The following PLPPR1 variants were observed in gnomAD, a reference collection of about 807,000 sequenced individuals.
The protein encoded by PLPPR1 is phospholipid phosphatase related 1.
A neutral mutation model predicts 33.1 loss-of-function variants in PLPPR1; 10 were observed. The ratio of observed to expected loss-of-function variants is 0.30; its 90% CI spans 0.19 to 0.51. The LOEUF (loss-of-function observed/expected upper bound fraction) is 0.51, where lower values mean the gene tolerates loss of function less well. Ranked by LOEUF, PLPPR1 falls within the 20% of genes least tolerant of loss-of-function variation. The probability of loss-of-function intolerance (pLI) is 0.97; values close to 1 mark genes in which losing one functional copy is unlikely to be tolerated. For synonymous variants in PLPPR1, 151 were observed against 151.0 expected, an observed-to-expected ratio of 1.00 and a Z score of 0.00; for missense variants, 304 against 408.1, an observed-to-expected ratio of 0.74 and a Z score of 2.20.
chr9:101,242,535 A>G (rs1424515243), intron 2 of PLPPR1, among the ~76,000 whole-genome samples: 1 of 152,042 alleles, frequency 6.6e-6, no homozygotes, highest in African/African-American at 2.4e-5. Flanking sequence ...CTTCTTTGAC[A>G]TGATGTTGGT....
At chr9:101,207,113 T>C (rs1826602727) in intron 2 of PLPPR1, among the ~76,000 whole-genome samples, 1 of 152,234 alleles carries the variant, frequency 6.6e-6, no homozygotes, top group Admixed American at 6.5e-5. Context: ...ATTTGCCTAC[T>C]TTTTTATTGT....
At chr9:101,294,286 G>A (rs1442764893) in intron 4 of PLPPR1, among the ~76,000 whole-genome samples, 35 of 151,842 alleles carry the variant, frequency 2.3e-4, no homozygotes, top group Non-Finnish European at 1.9e-4. Flanking sequence ...CCAATAACAG[G>A]CTCTGAAATT....
chr9:101,224,657 T>C (rs1292145256), intron 2 of PLPPR1, among the ~76,000 whole-genome samples: 1 of 152,166 alleles, frequency 6.6e-6, no homozygotes. Context: ...ACAATGTTGA[T>C]AAGGAAAAAA....
At chr9:101,040,601 A>C (rs1830065486) in intron 1 of PLPPR1, among the ~76,000 whole-genome samples, 1 of 152,066 alleles carries the variant, frequency 6.6e-6, no homozygotes, top group Non-Finnish European at 1.5e-5. Flanking sequence ...TTCTGCAAAA[A>C]CTTGAATGTC....
At position 101,320,310 on chromosome 9, in the gene PLPPR1, A is replaced by G. The variant is rs551107971; in HGVS notation, c.945+2814A>G. Reference sequence around the variant, plus strand: ...GTGACTGTCACTCATAAGTAAAGCCAAGTGTTCCCTCATGTCTGCCTCCTC... The same window carrying G: ...GTGACTGTCACTCATAAGTAAAGCCGAGTGTTCCCTCATGTCTGCCTCCTC... On this transcript the variant is annotated intron_variant, in intron 7 of 7. Coordinates refer to ENST00000374874, the MANE Select transcript of PLPPR1 (RefSeq NM_207299.2). Among the ~76,000 whole-genome samples the G allele has an allele frequency of 3.9e-5, 6 of 152,292 alleles. No individual in the cohort carries two copies. In the South Asian group the frequency reaches 1.2e-3, roughly 32 times the overall value.
At chr9:101,050,977 T>C (rs1015484629) in intron 1 of PLPPR1, among the ~76,000 whole-genome samples, 1 of 152,188 alleles carries the variant, frequency 6.6e-6, no homozygotes, top group Non-Finnish European at 1.5e-5. Context: ...ACTGTCACTC[T>C]AGGTTCACTT....
chr9:101,248,093 G>A (rs902184487), intron 2 of PLPPR1, among the ~76,000 whole-genome samples: 1 of 151,996 alleles, frequency 6.6e-6, no homozygotes, highest in East Asian at 1.9e-4. Context: ...AGGTGATGAA[G>A]CTCAGACCAG....
chr9:101,066,689 C>A (rs1588014265), intron 1 of PLPPR1, among the ~76,000 whole-genome samples: 1 of 151,968 alleles, frequency 6.6e-6, no homozygotes, highest in Non-Finnish European at 1.5e-5. Flanking sequence ...TTGACATATC[C>A]CCATCATAGT....
chr9:101,316,616 C>CAA lies in PLPPR1; in HGVS notation c.814-738_814-737dup, dbSNP rs553324474. Among the ~76,000 whole-genome samples the CAA allele has an allele frequency of 1.2e-4, 10 of 82,576 alleles. 1 individual carries two copies. The highest frequency in any genetic ancestry group is 1.9e-4 in the Non-Finnish European group (8 of 42,860). The allele number at this position is 82,576 out of a possible 152,430, so 54.2% of individuals were successfully genotyped here. ...AGGGAAAAGGAGGGTTCTTCTTGGG[C>CAA]AAAAAAAAAAAAGCAGGGAAGATGG... On this transcript the variant is annotated intron_variant, in intron 6 of 7. Coordinates refer to ENST00000374874, the MANE Select transcript of PLPPR1 (RefSeq NM_207299.2).
intron 1 of PLPPR1, among the ~76,000 whole-genome samples, chr9:101,043,456 T>TACATATGTATGTGTATATACATATAC (rs1337115228): frequency 6.6e-6 from 1 of 151,654 alleles, no homozygotes; most frequent in African/African-American, 2.4e-5. Context: ...TACACATATA[T>TACATATGTATGTGTATATACATATAC]ACATATGTAT....
intron 1 of PLPPR1, among the ~76,000 whole-genome samples, chr9:101,058,108 G>T (rs1295147448): frequency 6.6e-6 from 1 of 152,122 alleles, no homozygotes; most frequent in Admixed American, 6.6e-5. Flanking sequence ...GAGGTCCATG[G>T]TTTTGTGAGC....
rs985383402 is a variant in PLPPR1, at chr9:101,046,665, G to A, written c.-46+17563G>A. ...TCACCATGTTAGCCAGGATGGTCTC[G>A]ATCTCCTGACCTCGTGATCCACCTG... is the stretch of plus-strand genomic sequence containing the variant. On this transcript the variant is annotated intron_variant, in intron 1 of 7. Transcript: ENST00000374874. Among the ~76,000 whole-genome samples, 38 of 151,760 alleles carry A rather than the reference G, an allele frequency of 2.5e-4. No individual in the cohort carries two copies. In the Middle Eastern group the frequency reaches 0.014, roughly 55 times the overall value.
At chr9:101,191,713 C>T (rs1294000565) in intron 2 of PLPPR1, among the ~76,000 whole-genome samples, 1 of 152,190 alleles carries the variant, frequency 6.6e-6, no homozygotes, top group Admixed American at 6.5e-5. Flanking sequence ...TATTCCCAGA[C>T]ATCAGTGGAT....
chr9:101,307,835 C>T (rs1471363864), intron 4 of PLPPR1, among the ~76,000 whole-genome samples: 3 of 152,196 alleles, frequency 2.0e-5, no homozygotes, highest in African/African-American at 7.2e-5. Context: ...TTAATGCTGC[C>T]TCTCGCACTT....
Position 101,246,773 on chromosome 9 carries a change from C to G in PLPPR1, c.64-23107C>G, listed in dbSNP as rs546004378. ...TTGTATGTTGGTTGTCTAGACCATA[C>G]TGGGCCGTTTTCCTGTTCTTGTCTG... On this transcript the variant is annotated intron_variant, in intron 2 of 7. Transcript: ENST00000374874. 5.6e-4 allele frequency among the ~76,000 whole-genome samples: 85 copies of G among 152,172 alleles called. 1 individual carries two copies. Among genetic ancestry groups the G allele is most frequent in the African/African-American group, 1.9e-3 (80 of 41,540 alleles).
rs147652580 is a variant in PLPPR1, at chr9:101,121,972, G to A, written c.-45-63478G>A. Among the ~76,000 whole-genome samples the A allele has an allele frequency of 5.0e-4, 76 of 152,322 alleles. No individual in the cohort carries two copies. In the Middle Eastern group the frequency reaches 0.01, roughly 20 times the overall value. The stretch of plus-strand genomic sequence containing the variant: ...TGTAGTTTAAAGAACAAAAAGGCCA[G>A]TGCCACACCAAGGAACATGGAGGTA... On this transcript the variant is annotated intron_variant, in intron 1 of 7. Coordinates refer to ENST00000374874, the MANE Select transcript of PLPPR1 (RefSeq NM_207299.2).
chr9:101,035,201 T>A (rs764362303), intron 1 of PLPPR1, among the ~76,000 whole-genome samples: 6 of 152,124 alleles, frequency 3.9e-5, no homozygotes, highest in Non-Finnish European at 7.4e-5. Flanking sequence ...CCGTAGGAAA[T>A]TAAATGCCTC....
rs1480968815 is a variant in PLPPR1, at chr9:101,052,539, T to C, written c.-46+23437T>C. Among the ~76,000 whole-genome samples, 4 of 152,250 alleles carry C rather than the reference T, an allele frequency of 2.6e-5. No homozygotes were observed. In the East Asian group the frequency reaches 7.7e-4, roughly 29 times the overall value. ...AGGGCCTCACTTGGCACATACAAGA[T>C]AGCGGAGAAGACAGACATGGCTGGA... On this transcript the variant is annotated intron_variant, in intron 1 of 7. Coordinates refer to ENST00000374874, the MANE Select transcript of PLPPR1 (RefSeq NM_207299.2).
chr9:101,242,088 T>G (rs1232564929), intron 2 of PLPPR1, among the ~76,000 whole-genome samples: 1 of 152,074 alleles, frequency 6.6e-6, no homozygotes, highest in Non-Finnish European at 1.5e-5. Flanking sequence ...TGAAGCTGCC[T>G]GTTAGCTAGG....
Sources: allele counts gnomAD v4.1 joint callset (sites outside exome capture counted in the v4.1 genomes callset), GRCh38; gene constraint gnomAD v4.1.1; transcripts MANE v1.5; gene names NCBI Gene and HGNC (gene_info 2026-07-23, HGNC 2026-07-21).